MLLT3: variants seen among roughly 807,000 people sequenced by gnomAD.
MLLT3 encodes MLLT3 super elongation complex subunit, also known as protein AF-9.
MLLT3 carries 4 observed loss-of-function variants against 53.2 expected under a neutral mutation model. That is an observed-to-expected ratio of 0.08 (90% CI 0.04 to 0.17). The LOEUF (loss-of-function observed/expected upper bound fraction) is 0.17, where lower values mean the gene tolerates loss of function less well. MLLT3 is among the 10% of genes least tolerant of loss of function. MLLT3 has a pLI of 1.00. For missense variants in MLLT3, 569 were observed against 684.0 expected (o/e 0.83, Z 1.87); for synonymous variants, 283 against 230.6 (o/e 1.23, Z -2.06).
chr9:20,423,546 C>A (rs184293537), intron 4 of MLLT3, among the ~76,000 whole-genome samples: 1 of 152,094 alleles, frequency 6.6e-6, no homozygotes, highest in African/African-American at 2.4e-5. Flanking sequence ...GGTACAGTGG[C>A]TCATACCTGT....
In MLLT3 at chr9:20,348,215, C is replaced by T. The variant is rs1820926514; in HGVS notation, c.1576-1641G>A. 2.0e-5 allele frequency among the ~76,000 whole-genome samples: 3 copies of T among 152,268 alleles called. No individual in the cohort carries two copies. The South Asian group carries it at 6.2e-4, about 32-fold the overall frequency. The stretch of plus-strand genomic sequence containing the variant: ...ATGCTGCAAACTAACTCCCTAATAT[C>T]GATTTATTCCTTAATTTTTTTTTAT... On this transcript the variant is annotated intron_variant, in intron 10 of 10. Transcript: ENST00000380338.
At chr9:20,596,737 C>T (rs1267744492) in intron 2 of MLLT3, among the ~76,000 whole-genome samples, 2 of 152,040 alleles carry the variant, frequency 1.3e-5, no homozygotes, top group South Asian at 2.1e-4. Context: ...TGCTTGAAAA[C>T]ATTAAAAATG....
At chr9:20,594,159 T>C (rs1820194414) in intron 2 of MLLT3, among the ~76,000 whole-genome samples, 1 of 152,100 alleles carries the variant, frequency 6.6e-6, no homozygotes, top group Admixed American at 6.5e-5. Flanking sequence ...CAAGCTGGTC[T>C]CGAACTCCTG....
At chr9:20,428,252 G>A (rs568702440) in intron 4 of MLLT3, among the ~76,000 whole-genome samples, 3 of 152,034 alleles carry the variant, frequency 2.0e-5, no homozygotes, top group Admixed American at 1.3e-4. Flanking sequence ...CAAAATAGGG[G>A]CAATAATCAA....
At chr9:20,402,210 C>G (rs963808887) in intron 5 of MLLT3, among the ~76,000 whole-genome samples, 2 of 152,134 alleles carry the variant, frequency 1.3e-5, no homozygotes, top group Non-Finnish European at 2.9e-5. Context: ...ATGGTTTCTA[C>G]ATTAGGATCT....
chr9:20,353,342 G>C (rs1205602994), intron 10 of MLLT3, among the ~76,000 whole-genome samples, 183 bp downstream of exon 10: 2 of 152,210 alleles, frequency 1.3e-5, no homozygotes, highest in Admixed American at 1.3e-4. Context: ...TTGCCATAGA[G>C]CTCCAGAGCA....
chr9:20,431,710 A>G (rs1214986367), intron 4 of MLLT3, among the ~76,000 whole-genome samples: 1 of 152,148 alleles, frequency 6.6e-6, no homozygotes, highest in Non-Finnish European at 1.5e-5. Context: ...TCATAATTGC[A>G]AAACCAAATA....
In MLLT3 at chr9:20,538,563, G is replaced by A. The variant is rs925624053; in HGVS notation, c.194-81777C>T. ...CAATTTCTTTTGAAAAAGTAAATTC[G>A]TATACCAAAGTTGCTCCAAACATGC... is the stretch of plus-strand genomic sequence containing the variant. On this transcript the variant is annotated intron_variant, in intron 2 of 10. Coordinates refer to ENST00000380338, the MANE Select transcript of MLLT3 (RefSeq NM_004529.4). 4.6e-5 allele frequency among the ~76,000 whole-genome samples: 7 copies of A among 152,102 alleles called. No individual in the cohort carries two copies. In the East Asian group the frequency reaches 5.8e-4, roughly 13 times the overall value.
intron 5 of MLLT3, among the ~76,000 whole-genome samples, chr9:20,381,692 C>G (rs1821912142): frequency 6.6e-6 from 1 of 151,280 alleles, no homozygotes; most frequent in Non-Finnish European, 1.5e-5. Context: ...TACCAAATAC[C>G]CTAGTGGTTA....
intron 2 of MLLT3, among the ~76,000 whole-genome samples, chr9:20,520,404 C>A (rs1410751995): frequency 1.3e-5 from 2 of 151,754 alleles, no homozygotes; most frequent in Non-Finnish European, 2.9e-5. Context: ...TAAATTGAGA[C>A]AGTCACATAA....
intron 2 of MLLT3, among the ~76,000 whole-genome samples, chr9:20,514,161 A>T (rs1416223590): frequency 6.6e-6 from 1 of 152,158 alleles, no homozygotes; most frequent in Admixed American, 6.5e-5. Context: ...TGCAGTATGG[A>T]AGTGTAGGGG....
chr9:20,499,181 A>G (rs1287807917), intron 2 of MLLT3, among the ~76,000 whole-genome samples: 4 of 152,180 alleles, frequency 2.6e-5, no homozygotes, highest in Non-Finnish European at 5.9e-5. Context: ...CTCCTCATAA[A>G]GACAGCAGTC....
chr9:20,560,874 G>C (rs1167313032), intron 2 of MLLT3, among the ~76,000 whole-genome samples: 1 of 151,974 alleles, frequency 6.6e-6, no homozygotes, highest in Admixed American at 6.6e-5. Context: ...CAGGGAATTT[G>C]GGGTGTCATC....
intron 2 of MLLT3, among the ~76,000 whole-genome samples, chr9:20,607,063 C>T (rs531154181): frequency 6.6e-6 from 1 of 152,058 alleles, no homozygotes; most frequent in Admixed American, 6.6e-5. Context: ...CATTTGTACA[C>T]TATCGTCATC....
At chr9:20,607,212 G>A (rs1160065554) in intron 2 of MLLT3, among the ~76,000 whole-genome samples, 4 of 151,682 alleles carry the variant, frequency 2.6e-5, no homozygotes, top group African/African-American at 9.7e-5. Context: ...TGGTGTCTGG[G>A]GTATTTGGTT....
intron 5 of MLLT3, among the ~76,000 whole-genome samples, chr9:20,370,489 G>A (rs185600004): frequency 3.0e-3 from 460 of 151,382 alleles, no homozygotes; most frequent in Non-Finnish European, 4.6e-3. Flanking sequence ...GCCTCTAAAT[G>A]TTCAAATGAA....
In MLLT3 at chr9:20,377,712, C is replaced by A. The variant is rs548039726; in HGVS notation, c.1126-11968G>T. ...TTTGGACTATCTTACAGAATTTTCCCGATTAAATGTGAAACCTGGATTTAC... is the reference window on the plus strand; with the variant it reads ...TTTGGACTATCTTACAGAATTTTCCAGATTAAATGTGAAACCTGGATTTAC... On this transcript the variant is annotated intron_variant, in intron 5 of 10. Coordinates refer to ENST00000380338, the MANE Select transcript of MLLT3 (RefSeq NM_004529.4). 2.0e-5 allele frequency among the ~76,000 whole-genome samples: 3 copies of A among 152,048 alleles called. No individual in the cohort carries two copies. The East Asian group carries it at 5.8e-4, about 29-fold the overall frequency.
chr9:20,414,522 C>A, intron 4 of MLLT3, 97 bp from the exon 5 acceptor site: 1 of 1,543,280 alleles, frequency 6.5e-7, no homozygotes, highest in Non-Finnish European at 8.7e-7. Flanking sequence ...TGATTCCTCT[C>A]AAGCTATCAT....
At chr9:20,375,697 C>T (rs867297860) in intron 5 of MLLT3, among the ~76,000 whole-genome samples, 7 of 151,168 alleles carry the variant, frequency 4.6e-5, no homozygotes, top group African/African-American at 1.7e-4. Flanking sequence ...AAAGCTCCGC[C>T]TCCTGGGTTC....
Sources: allele counts gnomAD v4.1 joint callset (sites outside exome capture counted in the v4.1 genomes callset), GRCh38; gene constraint gnomAD v4.1.1; transcripts MANE v1.5; gene names NCBI Gene and HGNC (gene_info 2026-07-23, HGNC 2026-07-21).